The following SCFD2 variants were observed in gnomAD, a reference collection of about 807,000 sequenced individuals.
The protein encoded by SCFD2 is sec1 family domain-containing protein 2.
A neutral mutation model predicts 58.9 loss-of-function variants in SCFD2; 54 were observed. The observed-to-expected ratio is 0.92, with a 90% CI of 0.74 to 1.15. The LOEUF (loss-of-function observed/expected upper bound fraction) is 1.15, where lower values mean the gene tolerates loss of function less well. Among genes scored for constraint, SCFD2 ranks in the 50% most tolerant of loss-of-function variants. SCFD2 has a pLI of 0.00. For missense variants in SCFD2, 805 were observed against 836.6 expected (o/e 0.96, Z 0.47); for synonymous variants, 321 against 335.9 (o/e 0.96, Z 0.49).
chr4:53,180,569 C>A (rs963418808), intron 4 of SCFD2, among the ~76,000 whole-genome samples: 1 of 151,988 alleles, frequency 6.6e-6, no homozygotes, highest in African/African-American at 2.4e-5. Context: ...AAAATTGACA[C>A]CCTAACATCA....
intron 4 of SCFD2, among the ~76,000 whole-genome samples, chr4:53,253,858 G>A (rs1439347611): frequency 1.3e-5 from 2 of 148,190 alleles, no homozygotes; most frequent in Non-Finnish European, 3.0e-5. Flanking sequence ...CCTGAACATT[G>A]TGCACATGTA....
chr4:52,929,699 G>C (rs1031742843), intron 5 of SCFD2, among the ~76,000 whole-genome samples: 2 of 152,148 alleles, frequency 1.3e-5, no homozygotes, highest in Admixed American at 6.5e-5. Flanking sequence ...AATCCTGTTA[G>C]GGATGCAGGC....
intron 5 of SCFD2, among the ~76,000 whole-genome samples, chr4:52,944,792 G>A (rs1720382660): frequency 6.6e-6 from 1 of 152,186 alleles, no homozygotes; most frequent in African/African-American, 2.4e-5. Context: ...GGTAGGTGAA[G>A]TAACCTCCAG....
At position 53,365,668 on chromosome 4, in the gene SCFD2, T is replaced by C; in HGVS notation, c.274A>G (p.Ile92Val). 1 of 1,614,238 alleles carries C rather than the reference T, an allele frequency of 6.2e-7. No individual in the cohort carries two copies. Among genetic ancestry groups the C allele is most frequent in the South Asian group, 1.1e-5 (1 of 91,090 alleles). The change falls in exon 1 of 9, where the codon ATC becomes GTC. Residue 92 changes from isoleucine to valine, a missense_variant. Ile to Val is a conservative substitution (Grantham distance 29). Around this residue, in one of 3 missense-constraint regions of SCFD2, gnomAD observed 155 missense variants for 149.7 expected, o/e 1.04. Transcript: ENST00000401642. The surrounding 1 kb of genome is among the most constrained non-coding windows in gnomAD (Gnocchi z 4.3). ...KGRTVEILRD[I>V]ICRSHFQYCV... is the part of the protein sequence containing the mutation. ...TACTGGAAGTGACTGCGGCAGATGA[T>C]GTCCCGTAGGATCTCCACGGTCCGG...
intron 5 of SCFD2, among the ~76,000 whole-genome samples, chr4:53,069,076 T>C (rs1447946197): frequency 6.6e-6 from 1 of 152,026 alleles, no homozygotes; most frequent in Non-Finnish European, 1.5e-5. Context: ...GGCAGGATTC[T>C]CAGTATGCAC....
At chr4:52,956,455 C>T (rs1720714950) in intron 5 of SCFD2, 1 of 360,270 alleles carries the variant, frequency 2.8e-6, no homozygotes, top group Non-Finnish European at 5.4e-6. Context: ...AGGTGGCCAC[C>T]AGGGTCCTGG....
intron 5 of SCFD2, among the ~76,000 whole-genome samples, chr4:53,076,910 G>A (rs141256631): frequency 3.2e-4 from 48 of 152,158 alleles, no homozygotes; most frequent in African/African-American, 8.2e-4. Flanking sequence ...TAATTTAAAC[G>A]TACCAGAAGT....
intron 5 of SCFD2, among the ~76,000 whole-genome samples, chr4:53,097,504 T>G (rs1483163872): frequency 3.3e-5 from 5 of 152,234 alleles, no homozygotes; most frequent in Non-Finnish European, 5.9e-5. Flanking sequence ...ACTCATGATT[T>G]GGCTCTCTTT....
chr4:53,146,159 A>AAATTTT (rs1446580088), intron 4 of SCFD2, among the ~76,000 whole-genome samples: 1 of 152,198 alleles, frequency 6.6e-6, no homozygotes, highest in Non-Finnish European at 1.5e-5. Context: ...AATTTCTTTG[A>AAATTTT]GTGAGTCAGT....
intron 5 of SCFD2, among the ~76,000 whole-genome samples, chr4:53,034,276 C>T (rs752518780): frequency 1.3e-4 from 20 of 152,170 alleles, no homozygotes; most frequent in Non-Finnish European, 2.5e-4. Context: ...TTCAACACCC[C>T]TTCATGCCAA....
At chr4:53,043,814 A>C (rs1722958267) in intron 5 of SCFD2, among the ~76,000 whole-genome samples, 1 of 151,884 alleles carries the variant, frequency 6.6e-6, no homozygotes, top group Non-Finnish European at 1.5e-5. Flanking sequence ...TTTTAAAATA[A>C]ACACTTACAA....
intron 4 of SCFD2, among the ~76,000 whole-genome samples, chr4:53,255,197 TTTTATTTATTTA>T (rs36000814): frequency 7.1e-6 from 1 of 140,620 alleles, no homozygotes; most frequent in African/African-American, 2.6e-5. Flanking sequence ...TTTTTTTCTT[TTTTATTTATTTA>T]TTTATTTATT....
At chr4:53,270,843 A>G (rs1560422078) in intron 4 of SCFD2, among the ~76,000 whole-genome samples, 1 of 152,236 alleles carries the variant, frequency 6.6e-6, no homozygotes, top group African/African-American at 2.4e-5. Context: ...ACTGACAACT[A>G]GAACAAACTA....
intron 8 of SCFD2, among the ~76,000 whole-genome samples, chr4:52,875,360 C>T (rs1180773816): frequency 6.6e-6 from 1 of 152,094 alleles, no homozygotes; most frequent in African/African-American, 2.4e-5. Context: ...TTTGCAAGGG[C>T]CTGGTTAGGT....
intron 7 of SCFD2, among the ~76,000 whole-genome samples, chr4:52,899,985 T>C (rs1719141207): frequency 6.6e-6 from 1 of 152,214 alleles, no homozygotes; most frequent in African/African-American, 2.4e-5. Flanking sequence ...TCTCGTGCCG[T>C]GGTTGTCAGC....
At chr4:53,294,850 T>C (rs1196450074) in intron 3 of SCFD2, among the ~76,000 whole-genome samples, 1 of 152,230 alleles carries the variant, frequency 6.6e-6, no homozygotes, top group South Asian at 2.1e-4. Flanking sequence ...TTCAGCTTTC[T>C]GCATATGGCT....
intron 3 of SCFD2, among the ~76,000 whole-genome samples, chr4:53,279,060 T>C (rs1445399331): frequency 6.6e-6 from 1 of 152,130 alleles, no homozygotes; most frequent in East Asian, 1.9e-4. Context: ...TAGACAAGTG[T>C]TGAAAAAGTA....
intron 5 of SCFD2, among the ~76,000 whole-genome samples, chr4:52,931,530 C>T (rs572635009): frequency 2.0e-5 from 3 of 152,308 alleles, no homozygotes; most frequent in African/African-American, 4.8e-5. Context: ...CCTCCGCCTC[C>T]GGGTGGGGAG....
In SCFD2 at chr4:53,253,332, G is replaced by A. The variant is rs537112800; in HGVS notation, c.1311+20494C>T. On this transcript the variant is annotated intron_variant, in intron 4 of 8. Transcript: ENST00000401642. ...CAACCATTGTGGAAGTCAGTGTGGCGATTCCTCAGGGATCTAGAACTAGAA... is the reference window on the plus strand; with the variant it reads ...CAACCATTGTGGAAGTCAGTGTGGCAATTCCTCAGGGATCTAGAACTAGAA... Among the ~76,000 whole-genome samples the A allele has an allele frequency of 1.2e-4, 19 of 152,156 alleles. No individual in the cohort carries two copies. In the East Asian group the frequency reaches 2.5e-3, roughly 20 times the overall value.
Sources: allele counts gnomAD v4.1 joint callset (sites outside exome capture counted in the v4.1 genomes callset), GRCh38; gene constraint gnomAD v4.1.1; regional missense constraint gnomAD v4.1.1; non-coding constraint Gnocchi (gnomAD v3.1); transcripts MANE v1.5; gene names NCBI Gene and HGNC (gene_info 2026-07-23, HGNC 2026-07-21).